The following CCHCR1 variants were observed in gnomAD, a reference collection of about 807,000 sequenced individuals.
CCHCR1 encodes HCR (a-helix coiled-coil rod homologue).
CCHCR1 carries 91 observed loss-of-function variants against 114.6 expected under a neutral mutation model. The ratio of observed to expected loss-of-function variants is 0.79; its 90% CI spans 0.67 to 0.94. The LOEUF is 0.94. Ranked by LOEUF, CCHCR1 falls within the 40% of genes least tolerant of loss-of-function variation. CCHCR1 has a pLI of 0.00. For missense variants in CCHCR1, 899 were observed against 1,079.9 expected, an observed-to-expected ratio of 0.83 and a Z score of 2.35; for synonymous variants, 379 against 428.5, an observed-to-expected ratio of 0.88 and a Z score of 1.43.
Position 31,154,747 on chromosome 6 carries a change from C to T in CCHCR1, c.550G>A (p.Val184Ile), listed in dbSNP as rs1053876667. 4 of 1,607,058 alleles carry T rather than the reference C, an allele frequency of 2.5e-6. No individual in the cohort carries two copies. Among genetic ancestry groups the T allele is most frequent in the South Asian group, 2.2e-5 (2 of 91,060 alleles). Residue 184 changes from valine to isoleucine, a missense_variant, in exon 4 of 18, where the codon GTT becomes ATT. Transcript: ENST00000396268. This position sits in a 1 kb window ranked among gnomAD's most constrained non-coding sequence, Gnocchi z 4.1. The part of the protein sequence containing the change: ...QALSQQAEVI[V>I]RQLQELRRLE... ...CGCCGCAGCTCTTGCAGCTGCCGAACGATCACCTCAGCCTGCTGGCTCAGG... is the reference window on the plus strand; with the variant it reads ...CGCCGCAGCTCTTGCAGCTGCCGAATGATCACCTCAGCCTGCTGGCTCAGG...
chr6:31,142,790 CAGGAAATGAGGAATGGGAG>C, intron 17 of CCHCR1, 74 bp from the exon 18 acceptor site: 1 of 1,568,324 alleles, frequency 6.4e-7, no homozygotes, highest in Non-Finnish European at 8.7e-7. Flanking sequence ...AGGGCTGGCA[CAGGAAATGAGGAATGGGAG>C]AGAGGAGGCT....
rs371711443 is a variant in CCHCR1, at chr6:31,144,230, A to G, written c.2167+457T>C. ...TTTTTTTGACACATGGTCTTTCTCT[A>G]TCACCCAGGCTTGAGTGCAGTGGCA... On this transcript the variant is annotated intron_variant, in intron 15 of 17. Transcript: ENST00000396268. The surrounding 1 kb of genome is among the most constrained non-coding windows in gnomAD (Gnocchi z 4.6). Among the ~76,000 whole-genome samples the G allele has an allele frequency of 1.3e-4, 20 of 152,258 alleles. No homozygotes were observed. The highest frequency in any genetic ancestry group is 9.6e-4 in the East Asian group (5 of 5,188).
intron 10 of CCHCR1, 70 bp from the exon 11 acceptor site, chr6:31,145,878 T>C (rs1774262543): frequency 1.1e-6 from 1 of 897,676 alleles, no homozygotes. Context: ...GTGCCTTGTA[T>C]AGACAACTCC....
rs1322122620 is a variant in CCHCR1 at position 31,150,008 on chromosome 6, T to A, written c.1362+58A>T. Reference sequence around the variant, plus strand: ...AAACACTGGTTGAATGGATGCCACCTTCATGGAAGGAGCAAGGTGCTGGGA... The same window carrying A: ...AAACACTGGTTGAATGGATGCCACCATCATGGAAGGAGCAAGGTGCTGGGA... On this transcript the variant is annotated intron_variant, in intron 8 of 17. Coordinates refer to ENST00000396268, the MANE Select transcript of CCHCR1 (RefSeq NM_001105564.2). The surrounding 1 kb of genome is among the most constrained non-coding windows in gnomAD (Gnocchi z 5.3). 1 of 1,590,364 alleles carries A rather than the reference T, an allele frequency of 6.3e-7. No homozygotes were observed.
chr6:31,150,946 T>A lies in CCHCR1; in HGVS notation c.965+13A>T. 6.2e-7 allele frequency: 1 copy of A among 1,612,206 alleles called. No homozygotes were observed. The highest frequency in any genetic ancestry group is 8.5e-7 in the Non-Finnish European group (1 of 1,179,704). On this transcript the variant is annotated intron_variant, in intron 5 of 17. Transcript: ENST00000396268. The surrounding 1 kb of genome is among the most constrained non-coding windows in gnomAD (Gnocchi z 5.3). Reference sequence around the variant, plus strand: ...ACTAATTGCTGGGCTCCCGTCGGCGTCCGCCCACCTACCTCAGCTGCTTCC... The same window carrying A: ...ACTAATTGCTGGGCTCCCGTCGGCGACCGCCCACCTACCTCAGCTGCTTCC...
In CCHCR1 at chr6:31,150,667, C is replaced by A. The variant is rs761198481; in HGVS notation, c.1101+58G>T. On this transcript the variant is annotated intron_variant, in intron 6 of 17. Coordinates refer to ENST00000396268, the MANE Select transcript of CCHCR1 (RefSeq NM_001105564.2). This position sits in a 1 kb window ranked among gnomAD's most constrained non-coding sequence, Gnocchi z 5.3. ...GCTCTACACGCTCCTCCAAGGGCCACGCTTGCCTCCCAACCTGATCCCTAA... is the reference window on the plus strand; with the variant it reads ...GCTCTACACGCTCCTCCAAGGGCCAAGCTTGCCTCCCAACCTGATCCCTAA... 5.6e-6 allele frequency: 9 copies of A among 1,599,076 alleles called. No individual in the cohort carries two copies. In the Admixed American group the frequency reaches 1.0e-4, roughly 18 times the overall value.
rs3132539 is a variant in CCHCR1, at chr6:31,145,253, A to G, written c.1789T>C (p.Leu597=). The G allele has an allele frequency of 0.8, 1,295,255 of 1,612,884 alleles. 521,957 individuals carry two copies. The highest frequency in any genetic ancestry group is 0.91 in the African/African-American group (68,249 of 74,992). Residue 597 remains leucine (L), a synonymous_variant, in exon 13 of 18, where the codon TTG becomes CTG. Transcript: ENST00000396268. ...VTDVSLELQQ[L]REERNRLDAE... ...TCCAGGCGGTTCCGTTCTTCCCGCA[A>G]CTGCTGCAACTCAAGGCTCACGTCT... is the stretch of plus-strand genomic sequence containing the variant.
At position 31,144,715 on chromosome 6, in the gene CCHCR1, G is replaced by A. The variant is rs768293773; in HGVS notation, c.2139C>T (p.Asn713=). 100 of 1,612,550 alleles carry A rather than the reference G, an allele frequency of 6.2e-5. No individual in the cohort carries two copies. The highest frequency in any genetic ancestry group is 8.0e-5 in the Non-Finnish European group (94 of 1,179,036). ...EQLSDTERRL[N]EARREHAKAV... ...CCTTGGCATGCTCCCTCCGAGCCTC[G>A]TTCAGCCTCCTCTCTGTGTCTGAGA... The change falls in exon 15 of 18, where the codon AAC becomes AAT. Residue 713 remains asparagine, a synonymous_variant. Transcript: ENST00000396268. This position sits in a 1 kb window ranked among gnomAD's most constrained non-coding sequence, Gnocchi z 4.6.
intron 4 of CCHCR1, among the ~76,000 whole-genome samples, chr6:31,152,236 C>G (rs1162378612): frequency 6.8e-6 from 1 of 148,118 alleles, no homozygotes; most frequent in Admixed American, 6.8e-5. Context: ...GAGCCAAGAT[C>G]GCGCCACTGC....
At position 31,154,450 on chromosome 6, in the gene CCHCR1, C is replaced by G. The variant is rs536331274; in HGVS notation, c.801+46G>C. 3.0e-5 allele frequency: 45 copies of G among 1,499,440 alleles called. No individual in the cohort carries two copies. In the East Asian group the frequency reaches 4.3e-4, roughly 14 times the overall value. The allele number at this position is 1,499,440 out of a possible 1,614,324, so 92.9% of individuals were successfully genotyped here. A position where few individuals can be genotyped will look rare whatever the true frequency, so the allele number is the denominator to read the frequency against. ...CTGTTCTTTGCTTGGAAGCTACTGCCCAGCTCTCCGTTATGAATTTGAATC... is the reference window on the plus strand; with the variant it reads ...CTGTTCTTTGCTTGGAAGCTACTGCGCAGCTCTCCGTTATGAATTTGAATC... On this transcript the variant is annotated intron_variant, in intron 4 of 17. Transcript: ENST00000396268. This position sits in a 1 kb window ranked among gnomAD's most constrained non-coding sequence, Gnocchi z 4.1.
chr6:31,157,303 G>T (rs1776177752), intron 1 of CCHCR1, 82 bp downstream of exon 1: 1 of 1,224,828 alleles, frequency 8.2e-7, no homozygotes. Flanking sequence ...CTATCAAGTG[G>T]AGAGAATTTA....
chr6:31,157,403 A>G lies in CCHCR1; in HGVS notation c.198T>C (p.His66=). ...CCTCTACCCTCCTCCTTAAGTTTCT[A>G]TGGTCCCTGCTGCTCCTGGCCAGAG... ...FSPLARSSRD[H]RNLRRRGNID... The change falls in exon 1 of 18, where the codon CAT becomes CAC. Residue 66 remains histidine, a synonymous_variant. Transcript: ENST00000396268. 6.2e-7 allele frequency: 1 copy of G among 1,612,930 alleles called. No individual in the cohort carries two copies. Among genetic ancestry groups the G allele is most frequent in the Non-Finnish European group, 8.5e-7 (1 of 1,179,934 alleles).
At chr6:31,145,877 A>G (rs1211178476) in intron 10 of CCHCR1, 69 bp from the exon 11 acceptor site, 3 of 903,806 alleles carry the variant, frequency 3.3e-6, no homozygotes, top group African/African-American at 3.3e-5. Flanking sequence ...TGTGCCTTGT[A>G]TAGACAACTC....
chr6:31,146,520 G>A (rs1774359998), intron 10 of CCHCR1, among the ~76,000 whole-genome samples: 1 of 152,104 alleles, frequency 6.6e-6, no homozygotes, highest in Non-Finnish European at 1.5e-5. Context: ...GAGTGTCTGG[G>A]GCCGGGCTGG....
At position 31,151,000 on chromosome 6, in the gene CCHCR1, G is replaced by C; in HGVS notation, c.924C>G (p.Ala308=). The C allele has an allele frequency of 6.2e-7, 1 of 1,612,936 alleles. No individual in the cohort carries two copies. The highest frequency in any genetic ancestry group is 8.5e-7 in the Non-Finnish European group (1 of 1,180,008). ...TRRAGEAKEL[A]EAQREAELLR... is the part of the protein sequence containing the mutation. ...GCAGCTCGGCCTCCCTCTGAGCCTC[G>C]GCCAGCTCCTTGGCTTCCCCTGCTC... Residue 308 remains alanine (A), a synonymous_variant, in exon 5 of 18, where the codon GCC becomes GCG. Transcript: ENST00000396268. This position sits in a 1 kb window ranked among gnomAD's most constrained non-coding sequence, Gnocchi z 5.3.
rs1773705827 is a variant in CCHCR1, at chr6:31,142,665, G to A, written c.2543C>T (p.Ser848Phe). 4 of 1,613,248 alleles carry A rather than the reference G, an allele frequency of 2.5e-6. No homozygotes were observed. Among genetic ancestry groups the A allele is most frequent in the Non-Finnish European group, 2.5e-6 (3 of 1,179,980 alleles). Residue 848 changes from serine (S) to phenylalanine (F), a missense_variant, in exon 18 of 18, where the codon TCC (serine) becomes TTC (phenylalanine). Transcript: ENST00000396268. Reference protein sequence around the residue: ...DDLQDLSEAISKEEAVCQGDN... With the variant: ...DDLQDLSEAIFKEEAVCQGDN... Reference sequence around the variant, plus strand: ...TCCTTGACAAACAGCTTCCTCTTTGGAAATGGCTTCACTCAGGTCCTGCAG... The same window carrying A: ...TCCTTGACAAACAGCTTCCTCTTTGAAAATGGCTTCACTCAGGTCCTGCAG...
rs1774685254 is a variant in CCHCR1, at chr6:31,148,524, C to T, written c.1474-13G>A. The T allele has an allele frequency of 5.0e-6, 8 of 1,605,650 alleles. No individual in the cohort carries two copies. The highest frequency in any genetic ancestry group is 6.8e-6 in the Non-Finnish European group (8 of 1,173,556). On this transcript the variant is annotated splice_polypyrimidine_tract_variant and intron_variant, in intron 9 of 17. Coordinates refer to ENST00000396268, the MANE Select transcript of CCHCR1 (RefSeq NM_001105564.2). ...CCAACTGCAGGCCCTGGGGAGGATG[C>T]AGCAAAGGACAGGGTCCCTCCCTAA... is the stretch of plus-strand genomic sequence containing the variant.
At position 31,143,397 on chromosome 6, in the gene CCHCR1, C is replaced by G; in HGVS notation, c.2184G>C (p.Gln728His). ...TTTCCTGGGCGGCTCTGCGCTGAAT[C>G]TGGCGTAAGGAGACCACTACAGAGA... is the stretch of plus-strand genomic sequence containing the variant. ...EHAKAVVSLR[Q>H]IQRRAAQEKE... is the part of the protein sequence containing the mutation. The change falls in exon 16 of 18, where the codon CAG becomes CAC. Residue 728 changes from glutamine (Q) to histidine (H), a missense_variant. Transcript: ENST00000396268. The surrounding 1 kb of genome is among the most constrained non-coding windows in gnomAD (Gnocchi z 5.3). The G allele has an allele frequency of 1.9e-6, 3 of 1,612,880 alleles. No individual in the cohort carries two copies. Among genetic ancestry groups the G allele is most frequent in the Non-Finnish European group, 2.5e-6 (3 of 1,180,022 alleles).
Position 31,156,769 on chromosome 6 carries a change from A to G in CCHCR1, c.459T>C (p.Asp153=), listed in dbSNP as rs529478940. The G allele has an allele frequency of 1.1e-5, 17 of 1,612,830 alleles. No homozygotes were observed. Among genetic ancestry groups the G allele is most frequent in the Non-Finnish European group, 1.4e-5 (17 of 1,179,990 alleles). ...CTGGCTCCTGCCTGTCACTGGAAAC[A>G]TCCCGTTCCCACATGGTCACTTGAG... is the stretch of plus-strand genomic sequence containing the variant. The part of the protein sequence containing the change: ...QRPQVTMWER[D]VSSDRQEPGR... Residue 153 remains aspartate, a synonymous_variant, in exon 3 of 18, where the codon GAT becomes GAC. Coordinates refer to ENST00000396268, the MANE Select transcript of CCHCR1 (RefSeq NM_001105564.2).
Sources: gnomAD v4.1 joint callset for allele counts (sites outside exome capture counted in the v4.1 genomes callset) on GRCh38, gnomAD v4.1.1 for gene constraint, Gnocchi (gnomAD v3.1) non-coding constraint, MANE v1.5 for transcripts, NCBI Gene and HGNC (gene_info 2026-07-23, HGNC 2026-07-21) for gene names.